The following ASPG variants were observed in gnomAD, a reference collection of about 807,000 sequenced individuals.
ASPG encodes asparaginase, also known as 60 kDa lysophospholipase.
ASPG carries 53 observed loss-of-function variants against 63.2 expected under a neutral mutation model. The ratio of observed to expected loss-of-function variants is 0.84; its 90% CI spans 0.67 to 1.05. The LOEUF is 1.05. Among genes scored for constraint, ASPG ranks in the 50% least tolerant of loss-of-function variants. The probability of loss-of-function intolerance (pLI) is 0.00; values close to 1 mark genes in which losing one functional copy is unlikely to be tolerated. For synonymous variants in ASPG, 370 were observed against 355.0 expected, an observed-to-expected ratio of 1.04 and a Z score of -0.48; for missense variants, 741 against 794.4, an observed-to-expected ratio of 0.93 and a Z score of 0.81.
At chr14:104,086,282 G>T (rs1288075389) in intron 1 of ASPG, among the ~76,000 whole-genome samples, 2 of 152,164 alleles carry the variant, frequency 1.3e-5, no homozygotes, top group Non-Finnish European at 2.9e-5. Context: ...CACCCAGGAG[G>T]GTGTCCCCGT....
Position 104,097,587 on chromosome 14 carries a change from G to C in ASPG, c.463G>C (p.Glu155Gln). The C allele has an allele frequency of 6.4e-7, 1 of 1,562,728 alleles. No homozygotes were observed. The highest frequency in any genetic ancestry group is 8.7e-7 in the Non-Finnish European group (1 of 1,154,172). ...CCATGCCCTGTGGAGCGACGGCCGT[G>C]AGAACCTGCTGGGGGCACTGCTCAT... ...PIHALWSDGR[E>Q]NLLGALLMAG... Residue 155 changes from glutamate (E) to glutamine (Q), a missense_variant, in exon 5 of 16, where the codon GAG (glutamate) becomes CAG (glutamine). Physicochemically the swap from Glu to Gln is conservative, Grantham distance 29. Transcript: ENST00000551177.
In ASPG at chr14:104,113,043, G is replaced by A; in HGVS notation, c.*499G>A. 4.6e-6 allele frequency: 1 copy of A among 216,694 alleles called. No individual in the cohort carries two copies. The highest frequency in any genetic ancestry group is 9.3e-6 in the Non-Finnish European group (1 of 107,244). The allele number at this position is 216,694 out of a possible 1,614,324, so 13.4% of individuals were successfully genotyped here. A position where few individuals can be genotyped will look rare whatever the true frequency, so the allele number is the denominator to read the frequency against. On this transcript the variant is annotated 3_prime_UTR_variant, in exon 16 of 16. Coordinates refer to ENST00000551177, the MANE Select transcript of ASPG (RefSeq NM_001080464.3). ...CCAGGCAGCCCTCCAACCCCTGGATGAGCATGCTGCCCCTGCTTAACTCTT... is the reference window on the plus strand; with the variant it reads ...CCAGGCAGCCCTCCAACCCCTGGATAAGCATGCTGCCCCTGCTTAACTCTT...
chr14:104,107,872 C>T (rs1566840654), intron 12 of ASPG, among the ~76,000 whole-genome samples: 1 of 152,054 alleles, frequency 6.6e-6, no homozygotes, highest in Non-Finnish European at 1.5e-5. Context: ...CCTTCCTACT[C>T]TTTATTGCCC....
chr14:104,093,425 T>G, intron 2 of ASPG, 66 bp from the exon 3 acceptor site: 12 of 1,389,732 alleles, frequency 8.6e-6, no homozygotes, highest in Admixed American at 1.7e-5. Context: ...GGTCAGGGCA[T>G]TTAGAGCAGG....
rs926220507 is a variant in ASPG, at chr14:104,091,493, C to A, written c.83-1140C>A. On this transcript the variant is annotated intron_variant, in intron 1 of 15. Coordinates refer to ENST00000551177, the MANE Select transcript of ASPG (RefSeq NM_001080464.3). This position sits in a 1 kb window ranked among gnomAD's most constrained non-coding sequence, Gnocchi z 6.4. ...CTTCCAGTCCTCTGGCAAACGTCCCCGGGGCTCCACAGGCCTTTGTGTAAG... is the reference window on the plus strand; with the variant it reads ...CTTCCAGTCCTCTGGCAAACGTCCCAGGGGCTCCACAGGCCTTTGTGTAAG... Among the ~76,000 whole-genome samples the A allele has an allele frequency of 6.6e-6, 1 of 152,120 alleles. No homozygotes were observed. The highest frequency in any genetic ancestry group is 1.5e-5 in the Non-Finnish European group (1 of 68,028).
Position 104,110,778 on chromosome 14 carries a change from T to C in ASPG, c.1521-724T>C, listed in dbSNP as rs2037350725. 3 of 985,204 alleles carry C rather than the reference T, an allele frequency of 3.0e-6. No homozygotes were observed. The highest frequency in any genetic ancestry group is 3.6e-6 in the Non-Finnish European group (3 of 829,832). The allele number at this position is 985,204 out of a possible 1,614,324, so 61.0% of individuals were successfully genotyped here. On this transcript the variant is annotated intron_variant, in intron 13 of 15. Transcript: ENST00000551177. The surrounding 1 kb of genome is among the most constrained non-coding windows in gnomAD (Gnocchi z 4.7). ...CCAGCCCCTGCACACCATGGGTGGG[T>C]GGAGCCTTCCCTGCCGGGTCCCCAC... is the stretch of plus-strand genomic sequence containing the variant.
At position 104,109,935 on chromosome 14, in the gene ASPG, G is replaced by A. The variant is rs954391643; in HGVS notation, c.1520+620G>A. 3 of 984,726 alleles carry A rather than the reference G, an allele frequency of 3.0e-6. No homozygotes were observed. Among genetic ancestry groups the A allele is most frequent in the Non-Finnish European group, 3.6e-6 (3 of 829,452 alleles). The allele number at this position is 984,726 out of a possible 1,614,324, so 61.0% of individuals were successfully genotyped here. A position where few individuals can be genotyped will look rare whatever the true frequency, so the allele number is the denominator to read the frequency against. On this transcript the variant is annotated intron_variant, in intron 13 of 15. Transcript: ENST00000551177. This position sits in a 1 kb window ranked among gnomAD's most constrained non-coding sequence, Gnocchi z 4.8. ...TCATGTTGTTGTTGGGGAGACTGAGGCGCAGGGAGGCCTTCGGCGAGGGTG... is the reference window on the plus strand; with the variant it reads ...TCATGTTGTTGTTGGGGAGACTGAGACGCAGGGAGGCCTTCGGCGAGGGTG...
At chr14:104,108,897 C>T (rs924992980) in intron 12 of ASPG, 65 of 985,228 alleles carry the variant, frequency 6.6e-5, no homozygotes, top group Non-Finnish European at 7.5e-5. Flanking sequence ...GGGAGACTGC[C>T]CTGGGAGGAG....
chr14:104,087,845 C>T (rs1180587381), intron 1 of ASPG, among the ~76,000 whole-genome samples: 1 of 152,216 alleles, frequency 6.6e-6, no homozygotes, highest in African/African-American at 2.4e-5. Flanking sequence ...GCGTGCACCG[C>T]ATTTCTGAAA....
Position 104,109,142 on chromosome 14 carries a change from A to G in ASPG, c.1434-87A>G. The G allele has an allele frequency of 6.4e-7, 1 of 1,563,668 alleles. No homozygotes were observed. The highest frequency in any genetic ancestry group is 8.6e-7 in the Non-Finnish European group (1 of 1,156,578). ...CCGGCCGGTCCCCGTCCCTGTGCAC[A>G]GGACATGAGCTCTGCTGGCTCCTGA... On this transcript the variant is annotated intron_variant, in intron 12 of 15. Transcript: ENST00000551177. This position sits in a 1 kb window ranked among gnomAD's most constrained non-coding sequence, Gnocchi z 4.8.
chr14:104,099,414 G>T (rs116500073), intron 6 of ASPG, among the ~76,000 whole-genome samples: 1,971 of 152,312 alleles, frequency 0.013, 42 homozygotes, highest in African/African-American at 0.045. Context: ...GCTGACTCGA[G>T]CGATCCTGTG....
Position 104,110,614 on chromosome 14 carries a change from CCA to C in ASPG, c.1521-887_1521-886del, listed in dbSNP as rs1374435133. The stretch of plus-strand genomic sequence containing the variant: ...CCTCTTGGAGCAGGTCCAGGAGGGG[CCA>C]GTGAGGCCATCCAGCAGATTCGCTG... On this transcript the variant is annotated intron_variant, in intron 13 of 15. Coordinates refer to ENST00000551177, the MANE Select transcript of ASPG (RefSeq NM_001080464.3). This position sits in a 1 kb window ranked among gnomAD's most constrained non-coding sequence, Gnocchi z 4.7. 12 of 985,078 alleles carry C rather than the reference CCA, an allele frequency of 1.2e-5. No homozygotes were observed. Among genetic ancestry groups the C allele is most frequent in the Non-Finnish European group, 1.3e-5 (11 of 829,834 alleles). The allele number at this position is 985,078 out of a possible 1,614,324, so 61.0% of individuals were successfully genotyped here.
In ASPG at chr14:104,111,548, G is replaced by A; in HGVS notation, c.1567G>A (p.Ala523Thr). Residue 523 changes from alanine to threonine, a missense_variant, in exon 14 of 16, where the codon GCA (alanine) becomes ACA (threonine). Transcript: ENST00000551177. The part of the protein sequence containing the change: ...DLEGLQVWWQ[A>T]GADLGQPGYD... ...CGAAGGCCTGCAGGTGTGGTGGCAG[G>A]CAGGGGCTGACCTGGGGCAGCCGGG... is the stretch of plus-strand genomic sequence containing the variant. The A allele has an allele frequency of 6.4e-7, 1 of 1,552,414 alleles. No individual in the cohort carries two copies.
At chr14:104,089,347 C>G (rs1331230103) in intron 1 of ASPG, among the ~76,000 whole-genome samples, 1 of 150,578 alleles carries the variant, frequency 6.6e-6, no homozygotes, top group African/African-American at 2.5e-5. Flanking sequence ...AACCCTGTCT[C>G]TACTAAAAAT....
intron 4 of ASPG, 120 bp from the exon 5 acceptor site, chr14:104,097,434 C>T (rs970606684): frequency 3.9e-5 from 40 of 1,015,872 alleles, no homozygotes; most frequent in Non-Finnish European, 5.5e-5. Flanking sequence ...CTGTCCTTCT[C>T]TTTCCCACAC....
chr14:104,092,866 C>A, intron 2 of ASPG, 125 bp downstream of exon 2: 1 of 785,556 alleles, frequency 1.3e-6, no homozygotes, highest in Non-Finnish European at 2.1e-6. Context: ...AACATCCCCT[C>A]AGCTTACAGG....
chr14:104,106,679 C>A, intron 10 of ASPG, 120 bp from the exon 11 acceptor site: 1 of 898,388 alleles, frequency 1.1e-6, no homozygotes, highest in Non-Finnish European at 1.7e-6. Context: ...CTCACCCACG[C>A]CCTGGGATCT....
Position 104,112,914 on chromosome 14 carries a change from C to T in ASPG, c.*370C>T, listed in dbSNP as rs577594068. The T allele has an allele frequency of 4.9e-4, 160 of 323,396 alleles. 2 individuals are homozygous for T. Among genetic ancestry groups the T allele is most frequent in the Admixed American group, 9.2e-4 (22 of 23,816 alleles). The allele number at this position is 323,396 out of a possible 1,614,324, so 20.0% of individuals were successfully genotyped here. A position where few individuals can be genotyped will look rare whatever the true frequency, so the allele number is the denominator to read the frequency against. On this transcript the variant is annotated 3_prime_UTR_variant, in exon 16 of 16. Transcript: ENST00000551177. ...GGTCCTTTCCCAGCTGCCACTCCCC[C>T]TTCCTGCCACCCTGCCTTTGCCCAG...
chr14:104,111,808 G>A, intron 14 of ASPG, 112 bp from the exon 15 acceptor site: 1 of 1,121,810 alleles, frequency 8.9e-7, no homozygotes, highest in South Asian at 1.5e-5. Context: ...AGCTGCTGGG[G>A]CCCTGTGTGT....
Sources: allele counts gnomAD v4.1 joint callset (sites outside exome capture counted in the v4.1 genomes callset), GRCh38; gene constraint gnomAD v4.1.1; non-coding constraint Gnocchi (gnomAD v3.1); transcripts MANE v1.5; gene names NCBI Gene and HGNC (gene_info 2026-07-23, HGNC 2026-07-21).